The following EVC2 variants were observed in gnomAD, a reference collection of about 807,000 sequenced individuals.
EVC2 encodes limbin.
A neutral mutation model predicts 149.3 loss-of-function variants in EVC2; 148 were observed. That is an observed-to-expected ratio of 0.99 (90% CI 0.87 to 1.14). EVC2 has a LOEUF of 1.14. EVC2 is among the 50% of genes most tolerant of loss of function. The pLI, the probability that EVC2 is intolerant of heterozygous loss-of-function variation, is 0.00. For synonymous variants in EVC2, 776 were observed against 649.9 expected, an observed-to-expected ratio of 1.19 and a Z score of -2.95; for missense variants, 1,854 against 1,627.3, an observed-to-expected ratio of 1.14 and a Z score of -2.40.
At chr4:5,565,898 C>T (rs113209316) in intron 20 of EVC2, among the ~76,000 whole-genome samples, 19 of 152,248 alleles carry the variant, frequency 1.2e-4, no homozygotes, top group Middle Eastern at 3.4e-3. Context: ...AGAAGGCTGA[C>T]GGGTTGGGGG....
chr4:5,534,243 T>G, the EVC2 span, among the ~76,000 whole-genome samples: 9 of 152,172 alleles, frequency 5.9e-5, no homozygotes, highest in African/African-American at 1.2e-4. Context: ...GAGAATGACA[T>G]GAGAATGTTA....
At chr4:5,596,094 A>T (rs1713384381) in intron 16 of EVC2, among the ~76,000 whole-genome samples, 1 of 152,166 alleles carries the variant, frequency 6.6e-6, no homozygotes, top group African/African-American at 2.4e-5. Context: ...CTACAAAGAG[A>T]CTTAGACTCC....
At chr4:5,647,317 A>C (rs1346511463) in intron 9 of EVC2, among the ~76,000 whole-genome samples, 2 of 152,184 alleles carry the variant, frequency 1.3e-5, no homozygotes, top group Non-Finnish European at 2.9e-5. Flanking sequence ...GCATAGTGTC[A>C]CTATGAAATG....
At chr4:5,580,324 C>A (rs987841635) in intron 17 of EVC2, among the ~76,000 whole-genome samples, 16 of 152,194 alleles carry the variant, frequency 1.1e-4, no homozygotes, top group Admixed American at 1.0e-3. Context: ...TTTAAGAATA[C>A]GGCATCATCT....
chr4:5,547,703 A>C (rs1044497129), intron 21 of EVC2, among the ~76,000 whole-genome samples: 1 of 151,956 alleles, frequency 6.6e-6, no homozygotes, highest in African/African-American at 2.4e-5. Context: ...CTTACCCTCC[A>C]CTTGTCTGCG....
intron 1 of EVC2, among the ~76,000 whole-genome samples, chr4:5,706,800 C>T (rs1577282390): frequency 6.6e-6 from 1 of 152,080 alleles, no homozygotes; most frequent in Non-Finnish European, 1.5e-5. Flanking sequence ...AGGGCCAGGG[C>T]CCAGGGGACG....
intron 10 of EVC2, among the ~76,000 whole-genome samples, chr4:5,635,668 T>A (rs1439071899): frequency 6.6e-6 from 1 of 152,168 alleles, no homozygotes; most frequent in African/African-American, 2.4e-5. Context: ...ACAGGCAAAT[T>A]GTGAAAATGT....
chr4:5,690,188 T>C (rs969721909), intron 4 of EVC2, among the ~76,000 whole-genome samples: 1 of 152,136 alleles, frequency 6.6e-6, no homozygotes, highest in African/African-American at 2.4e-5. Context: ...TAGAAGGATA[T>C]ACAAGAAACT....
chr4:5,703,901 A>T (rs896321258), intron 1 of EVC2, among the ~76,000 whole-genome samples: 8 of 152,156 alleles, frequency 5.3e-5, no homozygotes, highest in Admixed American at 4.6e-4. Flanking sequence ...AGGCTTTAAC[A>T]GGGTGACAGA....
intron 2 of EVC2, 71 bp downstream of exon 2, chr4:5,697,522 G>A: frequency 6.8e-7 from 1 of 1,470,684 alleles, no homozygotes; most frequent in Non-Finnish European, 9.5e-7. Flanking sequence ...GGGAGCTGGA[G>A]GAAGGAGGGC....
At position 5,569,163 on chromosome 4, in the gene EVC2, G is replaced by A. The variant is rs1275200387; in HGVS notation, c.3361-523C>T. Among the ~76,000 whole-genome samples, 2 of 152,206 alleles carry A rather than the reference G, an allele frequency of 1.3e-5. No homozygotes were observed. The highest frequency in any genetic ancestry group is 4.1e-4 in the South Asian group (2 of 4,830). ...CCAGTCTCCAAAGGTCACGTGCTGCGTGATTCCATGCATGTAACCACCTGG... is the reference window on the plus strand; with the variant it reads ...CCAGTCTCCAAAGGTCACGTGCTGCATGATTCCATGCATGTAACCACCTGG... On this transcript the variant is annotated intron_variant, in intron 19 of 21. Coordinates refer to ENST00000344408, the MANE Select transcript of EVC2 (RefSeq NM_147127.5). This position sits in a 1 kb window ranked among gnomAD's most constrained non-coding sequence, Gnocchi z 4.8.
At chr4:5,694,852 G>C (rs1721368497) in intron 2 of EVC2, among the ~76,000 whole-genome samples, 1 of 152,310 alleles carries the variant, frequency 6.6e-6, no homozygotes, top group African/African-American at 2.4e-5. Context: ...TGCCCCTCCA[G>C]CTGTGAGTCC....
At chr4:5,572,177 A>ACCCAGACTATACCC (rs1281575879) in intron 19 of EVC2, among the ~76,000 whole-genome samples, 1 of 152,224 alleles carries the variant, frequency 6.6e-6, no homozygotes, top group Non-Finnish European at 1.5e-5. Context: ...CAGACTATAC[A>ACCCAGACTATACCC]AAGCACCAAG....
intron 21 of EVC2, among the ~76,000 whole-genome samples, chr4:5,552,857 A>G (rs1721767350): frequency 6.6e-6 from 1 of 152,204 alleles, no homozygotes; most frequent in South Asian, 2.1e-4. Context: ...GGGCTTCCAT[A>G]AGTCTTTGAG....
In EVC2 at chr4:5,543,697, T is replaced by C. The variant is rs922740571; in HGVS notation, c.3420-485A>G. Among the ~76,000 whole-genome samples, 13 of 151,954 alleles carry C rather than the reference T, an allele frequency of 8.6e-5. No homozygotes were observed. The Middle Eastern group carries it at 0.01, about 119-fold the overall frequency. Reference sequence around the variant, plus strand: ...GAAGAACCATAGGGGTGGGGGATAATAGGGAATATTATAGAAACCCCAGGT... The same window carrying C: ...GAAGAACCATAGGGGTGGGGGATAACAGGGAATATTATAGAAACCCCAGGT... On this transcript the variant is annotated intron_variant and NMD_transcript_variant, in intron 21 of 22. Coordinates refer to the EVC2 transcript ENST00000475313.
chr4:5,671,194 G>A lies in EVC2; in HGVS notation c.871-5545C>T, dbSNP rs542316394. On this transcript the variant is annotated intron_variant, in intron 7 of 21. Coordinates refer to ENST00000344408, the MANE Select transcript of EVC2 (RefSeq NM_147127.5). The stretch of plus-strand genomic sequence containing the variant: ...AAAAAAGTTTTTAAAATGGCCCAAG[G>A]TCACAGATAGAGTAAGTAGTAGACC... Among the ~76,000 whole-genome samples, 211 of 152,292 alleles carry A rather than the reference G, an allele frequency of 1.4e-3. 1 individual carries two copies. Among genetic ancestry groups the A allele is most frequent in the African/African-American group, 5.0e-3 (208 of 41,534 alleles).
intron 21 of EVC2, among the ~76,000 whole-genome samples, chr4:5,549,264 C>T (rs922562042): frequency 8.5e-5 from 13 of 152,178 alleles, no homozygotes; most frequent in South Asian, 4.1e-4. Flanking sequence ...TACCCGGGTA[C>T]GGGAGTTTGC....
At chr4:5,707,313 G>A (rs1448104182) in intron 1 of EVC2, among the ~76,000 whole-genome samples, 1 of 152,146 alleles carries the variant, frequency 6.6e-6, no homozygotes, top group Non-Finnish European at 1.5e-5. Flanking sequence ...TCTTTTAAGA[G>A]ACTAAACCTC....
intron 12 of EVC2, among the ~76,000 whole-genome samples, chr4:5,626,686 T>C (rs1716142333): frequency 6.6e-6 from 1 of 152,162 alleles, no homozygotes; most frequent in South Asian, 2.1e-4. Context: ...GAGATCAGCA[T>C]TTTAATCAGT....
Sources: gnomAD v4.1 joint callset for allele counts (sites outside exome capture counted in the v4.1 genomes callset) on GRCh38, gnomAD v4.1.1 for gene constraint, Gnocchi (gnomAD v3.1) non-coding constraint, MANE v1.5 for transcripts, NCBI Gene and HGNC (gene_info 2026-07-23, HGNC 2026-07-21) for gene names.